TAB2: variants seen among roughly 807,000 people sequenced by gnomAD.
TAB2 encodes the protein TGF-beta activated kinase 1 (MAP3K7) binding protein 2.
TAB2 carries 3 observed loss-of-function variants against 65.0 expected under a neutral mutation model. That is an observed-to-expected ratio of 0.05 (90% CI 0.02 to 0.12). TAB2 has a LOEUF of 0.12. Ranked by LOEUF, TAB2 falls within the 10% of genes least tolerant of loss-of-function variation. The probability of loss-of-function intolerance (pLI) is 1.00; values close to 1 mark genes in which losing one functional copy is unlikely to be tolerated. For missense variants in TAB2, 623 were observed against 840.3 expected (o/e 0.74, Z 3.20); for synonymous variants, 298 against 285.1 (o/e 1.05, Z -0.46).
Position 149,325,420 on chromosome 6 carries a change from G to GA in TAB2, c.-90+7411dup, listed in dbSNP as rs1262912685. On this transcript the variant is annotated intron_variant, in intron 1 of 6. Transcript: ENST00000637181. ...TTCATTTTTCCTCAACAAATAGAAT[G>GA]AAAAAAGAATTTCTGTACTTTTTAA... 2.6e-5 allele frequency among the ~76,000 whole-genome samples: 4 copies of GA among 152,022 alleles called. No individual in the cohort carries two copies. The East Asian group carries it at 7.7e-4, about 29-fold the overall frequency.
At chr6:149,231,166 C>G (rs1243452809) in intron 1 of TAB2, among the ~76,000 whole-genome samples, 1 of 152,202 alleles carries the variant, frequency 6.6e-6, no homozygotes, top group Admixed American at 6.5e-5. Flanking sequence ...TGCTTCTGAA[C>G]TTTTACACCA....
chr6:149,293,426 C>T (rs1405607485), intron 1 of TAB2, among the ~76,000 whole-genome samples: 1 of 152,162 alleles, frequency 6.6e-6, no homozygotes, highest in Non-Finnish European at 1.5e-5. Flanking sequence ...CATTAATTCA[C>T]TTCTTATGTG....
At chr6:149,270,963 C>T (rs56889884) in intron 1 of TAB2, among the ~76,000 whole-genome samples, 17 of 152,086 alleles carry the variant, frequency 1.1e-4, no homozygotes, top group Non-Finnish European at 1.8e-4. Flanking sequence ...CAGAGGGTTA[C>T]GGGGTGGTAT....
chr6:149,379,909 T>C (rs755802527), intron 3 of TAB2: 39 of 456,052 alleles, frequency 8.6e-5, no homozygotes, highest in Non-Finnish European at 1.6e-4. Context: ...TTGACTAATA[T>C]GGTAAATTTG....
chr6:149,257,110 G>A (rs962610494), intron 1 of TAB2, among the ~76,000 whole-genome samples: 1 of 152,210 alleles, frequency 6.6e-6, no homozygotes, highest in Non-Finnish European at 1.5e-5. Context: ...TGAAAAACAA[G>A]CTGGGTTGCG....
At chr6:149,370,452 TAA>T (rs1781187115) in intron 2 of TAB2, among the ~76,000 whole-genome samples, 2 of 152,232 alleles carry the variant, frequency 1.3e-5, no homozygotes, top group South Asian at 4.2e-4. Context: ...GAAAAATGAT[TAA>T]AGAGTCAGGA....
intron 3 of TAB2, among the ~76,000 whole-genome samples, chr6:149,386,215 C>G (rs1306261774): frequency 1.3e-5 from 2 of 152,162 alleles, no homozygotes; most frequent in African/African-American, 4.8e-5. Flanking sequence ...GAGAACAGTA[C>G]ACTTTCTTAA....
chr6:149,252,227 A>G (rs1047725021), intron 1 of TAB2, among the ~76,000 whole-genome samples: 3 of 151,972 alleles, frequency 2.0e-5, no homozygotes, highest in African/African-American at 4.8e-5. Flanking sequence ...ACCAACATGG[A>G]GAAACCCATC....
At chr6:149,369,637 A>G (rs1032509060) in intron 1 of TAB2, among the ~76,000 whole-genome samples, 2 of 152,206 alleles carry the variant, frequency 1.3e-5, no homozygotes, top group South Asian at 4.1e-4. Context: ...TGGGAAGACA[A>G]CCTTGAAAGT....
chr6:149,291,987 G>A (rs517207), intron 1 of TAB2, among the ~76,000 whole-genome samples: 61,464 of 152,110 alleles, frequency 0.4, 14,041 homozygotes, highest in African/African-American at 0.64. Context: ...ACCCTTGAAA[G>A]TTTATAGTCT....
intron 1 of TAB2, among the ~76,000 whole-genome samples, chr6:149,358,532 T>C (rs1314770917): frequency 6.6e-6 from 1 of 152,162 alleles, no homozygotes; most frequent in Non-Finnish European, 1.5e-5. Context: ...AGATTATGGC[T>C]CTTTTCTCTC....
At chr6:149,360,457 C>A (rs565557640) in intron 1 of TAB2, among the ~76,000 whole-genome samples, 1 of 152,294 alleles carries the variant, frequency 6.6e-6, no homozygotes, top group South Asian at 2.1e-4. Context: ...ACAGCCTGAT[C>A]TCATGACAAC....
At chr6:149,260,308 G>T (rs903287436) in intron 1 of TAB2, among the ~76,000 whole-genome samples, 2 of 152,242 alleles carry the variant, frequency 1.3e-5, no homozygotes, top group African/African-American at 4.8e-5. Flanking sequence ...GGAACGGGAG[G>T]AGAGAGGTTG....
At chr6:149,300,482 G>A (rs1322137448) in intron 1 of TAB2, among the ~76,000 whole-genome samples, 1 of 152,126 alleles carries the variant, frequency 6.6e-6, no homozygotes, top group Non-Finnish European at 1.5e-5. Context: ...CCTTCCAGTT[G>A]TAAAATTACA....
chr6:149,344,300 G>A (rs903557599), intron 1 of TAB2, among the ~76,000 whole-genome samples: 1 of 152,176 alleles, frequency 6.6e-6, no homozygotes, highest in African/African-American at 2.4e-5. Flanking sequence ...AATAGACACA[G>A]CTGGGATGTA....
At chr6:149,274,644 T>G (rs1466216879) in intron 1 of TAB2, among the ~76,000 whole-genome samples, 1 of 152,154 alleles carries the variant, frequency 6.6e-6, no homozygotes, top group Non-Finnish European at 1.5e-5. Flanking sequence ...AAAGGTCCTT[T>G]GAGAAAGGGT....
At chr6:149,396,994 A>C (rs1383420589) in intron 3 of TAB2, among the ~76,000 whole-genome samples, 1 of 152,248 alleles carries the variant, frequency 6.6e-6, no homozygotes, top group Non-Finnish European at 1.5e-5. Context: ...AATTAGATAC[A>C]GTAGTAAGTA....
intron 1 of TAB2, among the ~76,000 whole-genome samples, chr6:149,307,193 C>G (rs1779087626): frequency 6.6e-6 from 1 of 151,940 alleles, no homozygotes; most frequent in African/African-American, 2.4e-5. Context: ...TCACAAAAGA[C>G]TGGGTTGAAT....
At chr6:149,315,842 G>GC (rs1779239246), upstream of TAB2, among the ~76,000 whole-genome samples, 2 of 152,076 alleles carry the variant, frequency 1.3e-5, no homozygotes, top group South Asian at 2.1e-4. Context: ...TACCTTCTTT[G>GC]CCCCCCACTG....
Sources: gnomAD v4.1 joint callset for allele counts (sites outside exome capture counted in the v4.1 genomes callset) on GRCh38, gnomAD v4.1.1 for gene constraint, MANE v1.5 for transcripts, NCBI Gene and HGNC (gene_info 2026-07-23, HGNC 2026-07-21) for gene names.